Variants in AGO4 observed in about 807,000 individuals in gnomAD.
AGO4 encodes protein argonaute-4.
AGO4 carries 33 observed loss-of-function variants against 104.7 expected under a neutral mutation model. The ratio of observed to expected loss-of-function variants is 0.32; its 90% CI spans 0.24 to 0.42. The LOEUF is 0.42. Among genes scored for constraint, AGO4 ranks in the 10% least tolerant of loss-of-function variants. AGO4 has a pLI of 1.00. For synonymous variants in AGO4, 331 were observed against 364.7 expected, an observed-to-expected ratio of 0.91 and a Z score of 1.05; for missense variants, 711 against 1,083.4, an observed-to-expected ratio of 0.66 and a Z score of 4.83.
intron 3 of AGO4, among the ~76,000 whole-genome samples, chr1:35,824,719 T>G (rs1643969418): frequency 6.6e-6 from 1 of 152,122 alleles, no homozygotes; most frequent in African/African-American, 2.4e-5. Context: ...GAGGATCCCT[T>G]GAGCCCAGGA....
At chr1:35,818,661 G>GAAA in intron 2 of AGO4, among the ~76,000 whole-genome samples, 2 of 126,518 alleles carry the variant, frequency 1.6e-5, no homozygotes, top group African/African-American at 6.0e-5. Flanking sequence ...AAGAAAGAAA[G>GAAA]GAAGAAAGGA....
intron 13 of AGO4, 102 bp downstream of exon 13, chr1:35,836,095 C>A: frequency 2.3e-6 from 3 of 1,281,982 alleles, no homozygotes; most frequent in Middle Eastern, 1.9e-4. Flanking sequence ...TACCTTTTCT[C>A]TTGTATATAT....
In AGO4 at chr1:35,825,385, G is replaced by A; in HGVS notation, c.379G>A (p.Val127Ile). The A allele has an allele frequency of 6.2e-7, 1 of 1,614,210 alleles. No individual in the cohort carries two copies. Among genetic ancestry groups the A allele is most frequent in the East Asian group, 2.2e-5 (1 of 44,888 alleles). The change falls in exon 4 of 18, where the codon GTT becomes ATT. Residue 127 changes from valine (V) to isoleucine (I), a missense_variant. Val to Ile is a conservative substitution (Grantham distance 29, BLOSUM62 3). This residue lies in a region of AGO4 where 308 missense variants were observed against 397.8 expected (regional missense o/e 0.77). Transcript: ENST00000373210. ...TFKVSVQWVS[V>I]VSLQLLLEAL... ...TAAAGTGTCTGTTCAGTGGGTGTCAGTTGTGAGCCTTCAGTTGCTTTTAGA... is the reference window on the plus strand; with the variant it reads ...TAAAGTGTCTGTTCAGTGGGTGTCAATTGTGAGCCTTCAGTTGCTTTTAGA...
intron 1 of AGO4, among the ~76,000 whole-genome samples, chr1:35,814,085 A>G (rs1056742529): frequency 1.6e-4 from 24 of 151,880 alleles, no homozygotes; most frequent in Admixed American, 9.8e-4. Context: ...AAAAAAAAAA[A>G]AGAGAGAGAA....
chr1:35,853,360 C>A, intron 17 of AGO4, 137 bp from the exon 18 acceptor site: 1 of 544,420 alleles, frequency 1.8e-6, no homozygotes, highest in Non-Finnish European at 3.3e-6. Context: ...GAATCTAGTA[C>A]TGTTTGTGCT....
chr1:35,849,583 A>C (rs1332261035), intron 15 of AGO4, among the ~76,000 whole-genome samples: 1 of 148,294 alleles, frequency 6.7e-6, no homozygotes, highest in African/African-American at 2.5e-5. Flanking sequence ...GCTACTCAGG[A>C]GGCTGAGGTG....
intron 2 of AGO4, among the ~76,000 whole-genome samples, chr1:35,821,397 A>G (rs1643883171): frequency 6.6e-6 from 1 of 152,204 alleles, no homozygotes; most frequent in African/African-American, 2.4e-5. Context: ...GGCTTTTAAG[A>G]TATTGTTCCC....
chr1:35,831,160 G>A lies in AGO4; in HGVS notation c.849-267G>A, dbSNP rs557129201. Among the ~76,000 whole-genome samples, 124 of 151,904 alleles carry A rather than the reference G, an allele frequency of 8.2e-4. 1 individual carries two copies. Among genetic ancestry groups the A allele is most frequent in the African/African-American group, 2.9e-3 (122 of 41,444 alleles). ...GCGGATCACTTGAGGTCAGGAGTTC[G>A]AGACCAGCCTGACCAACGTGGTGAA... is the stretch of plus-strand genomic sequence containing the variant. On this transcript the variant is annotated intron_variant, in intron 7 of 17. Coordinates refer to ENST00000373210, the MANE Select transcript of AGO4 (RefSeq NM_017629.4).
chr1:35,851,639 A>G (rs1191252917), intron 17 of AGO4, among the ~76,000 whole-genome samples: 1 of 152,188 alleles, frequency 6.6e-6, no homozygotes, highest in Non-Finnish European at 1.5e-5. Flanking sequence ...CCATCTGTGA[A>G]GTGTAGCAGT....
intron 11 of AGO4, 73 bp from the exon 12 acceptor site, chr1:35,833,917 T>A: frequency 8.0e-7 from 1 of 1,242,984 alleles, no homozygotes; most frequent in Non-Finnish European, 1.0e-6. Context: ...GAAGGAAGTA[T>A]TTCAGAGGAA....
rs1205383199 is a variant in AGO4, at chr1:35,857,168, C to G, written c.*3563C>G. 1 of 152,158 alleles carries G rather than the reference C, an allele frequency of 6.6e-6. No homozygotes were observed. Among genetic ancestry groups the G allele is most frequent in the African/African-American group, 2.4e-5 (1 of 41,446 alleles). The allele number at this position is 152,158 out of a possible 1,614,324, so 9.4% of individuals were successfully genotyped here. A position where few individuals can be genotyped will look rare whatever the true frequency, so the allele number is the denominator to read the frequency against. Reference sequence around the variant, plus strand: ...GTTTAACAAGGCTCACCCTCTCCACCCTGTCCTAACGACCTTTTGTGAATG... The same window carrying G: ...GTTTAACAAGGCTCACCCTCTCCACGCTGTCCTAACGACCTTTTGTGAATG... On this transcript the variant is annotated 3_prime_UTR_variant, in exon 18 of 18. Coordinates refer to ENST00000373210, the MANE Select transcript of AGO4 (RefSeq NM_017629.4).
In AGO4 at chr1:35,854,414, T is replaced by G. The variant is rs1644775838; in HGVS notation, c.*809T>G. The G allele has an allele frequency of 1.3e-5, 2 of 152,680 alleles. No individual in the cohort carries two copies. The highest frequency in any genetic ancestry group is 1.9e-4 in the East Asian group (1 of 5,202). 9.5% of individuals were successfully genotyped at this position (152,680 alleles called of 1,614,324 possible). A position where few individuals can be genotyped will look rare whatever the true frequency, so the allele number is the denominator to read the frequency against. ...TAGTATTTTTCCAAGTTTTCAAAAG[T>G]GCCCATTTTATGCTGCTGTGTGGTT... On this transcript the variant is annotated 3_prime_UTR_variant, in exon 18 of 18. Transcript: ENST00000373210.
In AGO4 at chr1:35,808,360, G is replaced by A. The variant is rs1643366397; in HGVS notation, c.-57G>A. ...TTACGCGGCGGCGGCGGCGGCGGCG[G>A]CGGGGCCCGGAGCGGGAGGCGCCGG... On this transcript the variant is annotated 5_prime_UTR_variant, in exon 1 of 18. Transcript: ENST00000373210. The surrounding 1 kb of genome is among the most constrained non-coding windows in gnomAD (Gnocchi z 5.2). 9 of 1,001,206 alleles carry A rather than the reference G, an allele frequency of 9.0e-6. No individual in the cohort carries two copies. Among genetic ancestry groups the A allele is most frequent in the Non-Finnish European group, 1.1e-5 (9 of 836,866 alleles). 62.0% of individuals were successfully genotyped at this position (1,001,206 alleles called of 1,614,324 possible).
intron 2 of AGO4, among the ~76,000 whole-genome samples, chr1:35,822,502 C>T (rs540137145): frequency 6.6e-6 from 1 of 152,188 alleles, no homozygotes; most frequent in South Asian, 2.1e-4. Context: ...GATCCACCCA[C>T]CTCAGCCTCC....
chr1:35,825,741 G>C lies in AGO4; in HGVS notation c.551G>C (p.Gly184Ala), dbSNP rs1287473205. 6 of 1,593,986 alleles carry C rather than the reference G, an allele frequency of 3.8e-6. No homozygotes were observed. Among genetic ancestry groups the C allele is most frequent in the South Asian group, 1.1e-5 (1 of 87,464 alleles). The change falls in exon 5 of 18, where the codon GGG becomes GCG. Residue 184 changes from glycine (G) to alanine (A), a missense_variant. Transcript: ENST00000373210. ...PPEGYYHPLG[G>A]GREVWFGFHQ... Reference sequence around the variant, plus strand: ...GAAGGTTACTACCACCCTCTGGGAGGGGGCAGGGAGGTCTGGTTTGGTTTT... The same window carrying C: ...GAAGGTTACTACCACCCTCTGGGAGCGGGCAGGGAGGTCTGGTTTGGTTTT...
rs1355523623 is a variant in AGO4, at chr1:35,816,904, G to T, written c.42G>T (p.Gln14His). 6.2e-7 allele frequency: 1 copy of T among 1,612,612 alleles called. No homozygotes were observed. The highest frequency in any genetic ancestry group is 1.7e-5 in the Admixed American group (1 of 59,912). ...LGPGPPASLFQPPRRPGLGTV... is the reference protein window; with the variant it reads ...LGPGPPASLFHPPRRPGLGTV... The stretch of plus-strand genomic sequence containing the variant: ...TAGGACCTCCGGCTAGCCTGTTTCA[G>T]CCACCTCGTCGTCCTGGCCTTGGAA... Residue 14 changes from glutamine to histidine, a missense_variant, in exon 2 of 18, where the codon CAG (glutamine) becomes CAT (histidine). Coordinates refer to ENST00000373210, the MANE Select transcript of AGO4 (RefSeq NM_017629.4).
intron 12 of AGO4, 28 bp downstream of exon 12, chr1:35,834,202 G>C: frequency 6.8e-7 from 1 of 1,478,642 alleles, no homozygotes; most frequent in South Asian, 1.5e-5. Flanking sequence ...GCTGAATGAG[G>C]GATGATTTCA....
intron 2 of AGO4, among the ~76,000 whole-genome samples, chr1:35,821,561 G>A (rs530337502): frequency 6.6e-6 from 1 of 152,294 alleles, no homozygotes; most frequent in East Asian, 1.9e-4. Flanking sequence ...TGCATACAGT[G>A]TGATCTGGCA....
At chr1:35,821,742 A>T (rs948022522) in intron 2 of AGO4, among the ~76,000 whole-genome samples, 3 of 152,208 alleles carry the variant, frequency 2.0e-5, no homozygotes, top group Admixed American at 2.0e-4. Flanking sequence ...AGCACTTTGG[A>T]ATAAGACAAG....
Sources: allele counts gnomAD v4.1 joint callset (sites outside exome capture counted in the v4.1 genomes callset), GRCh38; gene constraint gnomAD v4.1.1; regional missense constraint gnomAD v4.1.1; non-coding constraint Gnocchi (gnomAD v3.1); transcripts MANE v1.5; gene names NCBI Gene and HGNC (gene_info 2026-07-23, HGNC 2026-07-21).